The following HHAT variants were observed in gnomAD, a reference collection of about 807,000 sequenced individuals.
The protein encoded by HHAT is protein-cysteine N-palmitoyltransferase HHAT.
In HHAT, 47 loss-of-function variants were observed where a neutral mutation model predicts 70.8. That is an observed-to-expected ratio of 0.66 (90% CI 0.53 to 0.85). The LOEUF (loss-of-function observed/expected upper bound fraction) is 0.85. Among genes scored for constraint, HHAT ranks in the 40% least tolerant of loss-of-function variants. The pLI is 0.00. For missense variants in HHAT, 609 were observed against 604.8 expected (o/e 1.01, Z -0.07); for synonymous variants, 228 against 247.6 (o/e 0.92, Z 0.74).
intron 8 of HHAT, among the ~76,000 whole-genome samples, chr1:210,501,393 A>C (rs575734181): frequency 6.6e-6 from 1 of 152,110 alleles, no homozygotes; most frequent in South Asian, 2.1e-4. Flanking sequence ...GTTGCATTGG[A>C]GTTTGGGCAG....
chr1:210,633,335 G>T (rs61827411), intron 11 of HHAT, among the ~76,000 whole-genome samples: 1 of 152,220 alleles, frequency 6.6e-6, no homozygotes, highest in Non-Finnish European at 1.5e-5. Flanking sequence ...CATTCCAACA[G>T]TGTGAAGTGA....
At chr1:210,413,713 C>T (rs183655968) in intron 6 of HHAT, among the ~76,000 whole-genome samples, 1 of 152,200 alleles carries the variant, frequency 6.6e-6, no homozygotes, top group Non-Finnish European at 1.5e-5. Flanking sequence ...CCATGTTTCT[C>T]TTGTCTAAGA....
chr1:210,654,104 G>A (rs1031314137), intron 11 of HHAT, among the ~76,000 whole-genome samples: 3 of 44,168 alleles, frequency 6.8e-5, no homozygotes, highest in Non-Finnish European at 5.5e-5. Context: ...GGAATAGTGT[G>A]ACAGCAGAAT....
intron 3 of HHAT, among the ~76,000 whole-genome samples, chr1:210,367,522 G>A (rs2089118869): frequency 6.6e-6 from 1 of 152,180 alleles, no homozygotes; most frequent in African/African-American, 2.4e-5. Context: ...GAGCTCCAGA[G>A]AATGAGTAGG....
At chr1:210,498,769 T>C (rs1380710658) in intron 8 of HHAT, among the ~76,000 whole-genome samples, 4 of 126,478 alleles carry the variant, frequency 3.2e-5, no homozygotes, top group African/African-American at 1.2e-4. Flanking sequence ...TCTGTTTTTT[T>C]TTTTCTTTTT....
intron 7 of HHAT, among the ~76,000 whole-genome samples, chr1:210,436,908 G>C (rs2093390322): frequency 6.6e-6 from 1 of 151,810 alleles, no homozygotes; most frequent in Admixed American, 6.6e-5. Context: ...GTTTTGATTT[G>C]ATAGAATCAT....
rs189453247 is a variant in HHAT, at chr1:210,420,620, A to G, written c.856+2295A>G. Among the ~76,000 whole-genome samples, 451 of 152,174 alleles carry G rather than the reference A, an allele frequency of 3.0e-3. 1 individual carries two copies. The highest frequency in any genetic ancestry group is 8.1e-3 in the Admixed American group (124 of 15,276). ...GTATACATATGTAGCTAACCTGCAC[A>G]TTGTGCACATGTACCCTAAAACTTA... On this transcript the variant is annotated intron_variant, in intron 7 of 11. Transcript: ENST00000261458.
chr1:210,419,730 A>T (rs1354555050), intron 7 of HHAT, among the ~76,000 whole-genome samples: 1 of 152,240 alleles, frequency 6.6e-6, no homozygotes, highest in Non-Finnish European at 1.5e-5. Context: ...TAGTTTAATG[A>T]TAGTCTCTTT....
At chr1:210,389,916 A>G (rs557110433) in intron 4 of HHAT, among the ~76,000 whole-genome samples, 3 of 152,342 alleles carry the variant, frequency 2.0e-5, no homozygotes, top group African/African-American at 7.2e-5. Context: ...GGAGGGGACA[A>G]ACATTCAAAC....
At chr1:210,540,767 C>A (rs1356338303) in intron 9 of HHAT, among the ~76,000 whole-genome samples, 1 of 151,974 alleles carries the variant, frequency 6.6e-6, no homozygotes, top group Non-Finnish European at 1.5e-5. Flanking sequence ...TGCTTAGGTT[C>A]CCAAGTAGCT....
At chr1:210,640,468 C>G (rs545628667) in intron 11 of HHAT, among the ~76,000 whole-genome samples, 22 of 152,214 alleles carry the variant, frequency 1.4e-4, no homozygotes, top group Admixed American at 5.2e-4. Context: ...AGTTCTGACT[C>G]CAATAAGCTG....
intron 7 of HHAT, among the ~76,000 whole-genome samples, chr1:210,448,211 A>G (rs1334300581): frequency 6.6e-6 from 1 of 151,784 alleles, no homozygotes; most frequent in Non-Finnish European, 1.5e-5. Context: ...CTGCCTGAGT[A>G]GCTGGGACTG....
intron 9 of HHAT, among the ~76,000 whole-genome samples, chr1:210,540,836 CT>C (rs1418163683): frequency 6.6e-6 from 1 of 151,798 alleles, no homozygotes; most frequent in Non-Finnish European, 1.5e-5. Flanking sequence ...TAAAGTATTG[CT>C]TTATTTAATT....
chr1:210,336,916 T>A (rs973624419), intron 1 of HHAT, among the ~76,000 whole-genome samples: 2 of 152,256 alleles, frequency 1.3e-5, no homozygotes, highest in Non-Finnish European at 2.9e-5. Context: ...GAGTGTAAGA[T>A]GTGGTGGGCA....
intron 3 of HHAT, among the ~76,000 whole-genome samples, chr1:210,383,522 G>T (rs1413226694): frequency 6.6e-6 from 1 of 152,126 alleles, no homozygotes; most frequent in Non-Finnish European, 1.5e-5. Flanking sequence ...AGGATTTTTA[G>T]GGCAGTGAAA....
intron 11 of HHAT, among the ~76,000 whole-genome samples, chr1:210,627,838 G>T (rs560474988): frequency 6.6e-6 from 1 of 152,228 alleles, no homozygotes; most frequent in South Asian, 2.1e-4. Flanking sequence ...AGACTTAGCT[G>T]GTCCATGGAT....
intron 2 of HHAT, among the ~76,000 whole-genome samples, chr1:210,357,798 C>T (rs537277955): frequency 1.1e-4 from 16 of 152,176 alleles, no homozygotes; most frequent in South Asian, 4.2e-4. Flanking sequence ...CCAGCCTGGG[C>T]GACAGAGTGA....
intron 9 of HHAT, among the ~76,000 whole-genome samples, chr1:210,537,973 T>A (rs572823200): frequency 6.6e-6 from 1 of 152,306 alleles, no homozygotes; most frequent in South Asian, 2.1e-4. Flanking sequence ...GATATAAAAA[T>A]TTTTCAGTGA....
At chr1:210,399,172 A>G (rs758391022) in intron 4 of HHAT, among the ~76,000 whole-genome samples, 1 of 152,232 alleles carries the variant, frequency 6.6e-6, no homozygotes, top group Non-Finnish European at 1.5e-5. Context: ...CCCGTGAGAC[A>G]TCACATTTCC....
Sources: allele counts gnomAD v4.1 joint callset (sites outside exome capture counted in the v4.1 genomes callset), GRCh38; gene constraint gnomAD v4.1.1; transcripts MANE v1.5; gene names NCBI Gene and HGNC (gene_info 2026-07-23, HGNC 2026-07-21).